TTBK2: variants seen among roughly 807,000 people sequenced by gnomAD.
The protein encoded by TTBK2 is tau tubulin kinase 2.
A neutral mutation model predicts 110.8 loss-of-function variants in TTBK2; 28 were observed. The observed-to-expected ratio is 0.25, with a 90% CI of 0.19 to 0.35. The LOEUF (loss-of-function observed/expected upper bound fraction) is 0.35, where lower values mean the gene tolerates loss of function less well. Among genes scored for constraint, TTBK2 ranks in the 10% least tolerant of loss-of-function variants. The probability of loss-of-function intolerance (pLI) is 1.00; values close to 1 mark genes in which losing one functional copy is unlikely to be tolerated. For synonymous variants in TTBK2, 532 were observed against 527.3 expected, an observed-to-expected ratio of 1.01 and a Z score of -0.12; for missense variants, 1,369 against 1,500.3, an observed-to-expected ratio of 0.91 and a Z score of 1.45.
At chr15:42,849,271 G>A (rs1893599872) in intron 3 of TTBK2, among the ~76,000 whole-genome samples, 1 of 152,070 alleles carries the variant, frequency 6.6e-6, no homozygotes, top group South Asian at 2.1e-4. Context: ...CCCATTCAGT[G>A]AGTTTTTTAT....
At chr15:42,772,096 G>T (rs1437259843) in intron 13 of TTBK2, among the ~76,000 whole-genome samples, 1 of 152,018 alleles carries the variant, frequency 6.6e-6, no homozygotes, top group Non-Finnish European at 1.5e-5. Context: ...CCCTCGTATA[G>T]ACCCTCATAT....
chr15:42,881,011 G>C (rs1025973763), intron 1 of TTBK2, among the ~76,000 whole-genome samples: 7 of 152,034 alleles, frequency 4.6e-5, no homozygotes, highest in African/African-American at 1.7e-4. Context: ...GCTGGGCATG[G>C]TGGCTCATAC....
chr15:42,790,962 C>T (rs1201738308), intron 10 of TTBK2, among the ~76,000 whole-genome samples: 1 of 152,210 alleles, frequency 6.6e-6, no homozygotes, highest in Admixed American at 6.5e-5. Context: ...CAGCTCACTG[C>T]AAGCTCCACC....
chr15:42,749,795 T>C (rs368551217), intron 14 of TTBK2, among the ~76,000 whole-genome samples: 2 of 152,130 alleles, frequency 1.3e-5, no homozygotes, highest in East Asian at 1.9e-4. Flanking sequence ...ACCAACCACA[T>C]ATACTGGGGA....
intron 1 of TTBK2, among the ~76,000 whole-genome samples, chr15:42,908,933 G>A (rs1298327637): frequency 6.6e-6 from 1 of 152,176 alleles, no homozygotes; most frequent in Admixed American, 6.5e-5. Flanking sequence ...TATTCATATA[G>A]CAGCTTCTTA....
intron 4 of TTBK2, among the ~76,000 whole-genome samples, chr15:42,839,629 A>G (rs1328811269): frequency 6.6e-6 from 1 of 152,152 alleles, no homozygotes; most frequent in East Asian, 1.9e-4. Flanking sequence ...TGACTTTTTA[A>G]TAATAGTCAT....
intron 1 of TTBK2, 28 bp from the exon 2 acceptor site, chr15:42,878,712 G>A: frequency 6.2e-7 from 1 of 1,603,004 alleles, no homozygotes; most frequent in Non-Finnish European, 8.5e-7. Flanking sequence ...AAAAATAGTA[G>A]CAGTATTTAG....
At chr15:42,827,545 A>G (rs1892584477) in intron 6 of TTBK2, among the ~76,000 whole-genome samples, 1 of 152,214 alleles carries the variant, frequency 6.6e-6, no homozygotes, top group African/African-American at 2.4e-5. Flanking sequence ...TAAACAAGTA[A>G]AAGAAAATGT....
intron 1 of TTBK2, among the ~76,000 whole-genome samples, chr15:42,910,239 G>T (rs939122645): frequency 2.6e-5 from 4 of 151,810 alleles, no homozygotes; most frequent in South Asian, 2.1e-4. Flanking sequence ...CAGTGTGAGA[G>T]AGAGTAGAAG....
At chr15:42,865,651 T>C (rs1220926972) in intron 3 of TTBK2, among the ~76,000 whole-genome samples, 1 of 151,662 alleles carries the variant, frequency 6.6e-6, no homozygotes, top group Non-Finnish European at 1.5e-5. Context: ...AGCGAGACTC[T>C]GTATCCATCA....
intron 3 of TTBK2, among the ~76,000 whole-genome samples, chr15:42,858,295 A>G (rs1328190568): frequency 6.6e-6 from 1 of 152,184 alleles, no homozygotes; most frequent in Non-Finnish European, 1.5e-5. Flanking sequence ...TATTTTCATT[A>G]CAAAAACAAA....
rs756900410 is a variant in TTBK2 at position 42,783,415 on chromosome 15, A to G, written c.1197+4T>C. The G allele has an allele frequency of 6.2e-7, 1 of 1,609,984 alleles. No homozygotes were observed. The highest frequency in any genetic ancestry group is 8.5e-7 in the Non-Finnish European group (1 of 1,176,238). On this transcript the variant is annotated splice_donor_region_variant and intron_variant, in intron 11 of 14. Transcript: ENST00000267890. ...AATTTCTGTTGTTTATAAGGTACTC[A>G]TACCTTACAAATTCCAAGCTTTATC... is the stretch of plus-strand genomic sequence containing the variant.
chr15:42,752,425 T>C lies in TTBK2; in HGVS notation c.2821A>G (p.Arg941Gly). The C allele has an allele frequency of 1.9e-6, 3 of 1,614,222 alleles. No individual in the cohort carries two copies. The highest frequency in any genetic ancestry group is 2.5e-6 in the Non-Finnish European group (3 of 1,180,038). ...GCTAAAACAGGGATTCGGCTGTGTC[T>C]AGTTACAAAGGATGACCTAACCATA... Reference protein sequence around the residue: ...KDMVRSSFVTRHSRIPVLAQE... With the variant: ...KDMVRSSFVTGHSRIPVLAQE... The change falls in exon 14 of 15, where the codon AGA becomes GGA. Residue 941 changes from arginine to glycine, a missense_variant. Coordinates refer to ENST00000267890, the MANE Select transcript of TTBK2 (RefSeq NM_173500.4).
At chr15:42,874,457 C>T (rs575639374) in intron 2 of TTBK2, among the ~76,000 whole-genome samples, 1 of 151,910 alleles carries the variant, frequency 6.6e-6, no homozygotes, top group East Asian at 2.0e-4. Flanking sequence ...ACTGGGATTA[C>T]AGGTGTGCAC....
rs1889961599 is a variant in TTBK2 at position 42,777,139 on chromosome 15, T to C, written c.1301A>G (p.Asp434Gly). 1 of 1,614,106 alleles carries C rather than the reference T, an allele frequency of 6.2e-7. No individual in the cohort carries two copies. The highest frequency in any genetic ancestry group is 1.1e-5 in the South Asian group (1 of 91,084). The change falls in exon 12 of 15, where the codon GAC (aspartate) becomes GGC (glycine). Residue 434 changes from aspartate (D) to glycine (G), a missense_variant. Physicochemically the swap from Asp to Gly is moderately conservative, Grantham distance 94. Around this residue, in one of 4 missense-constraint regions of TTBK2, gnomAD observed 1,097 missense variants for 1,114.7 expected, o/e 0.98. Coordinates refer to ENST00000267890, the MANE Select transcript of TTBK2 (RefSeq NM_173500.4). The part of the protein sequence containing the change: ...IRVRSEITQP[D>G]RDIPLVRKLR... ...CTTTCGCACCAGTGGAATATCTCTGTCTGGCTGAGTAATCTCTGAGCGGAC... is the reference window on the plus strand; with the variant it reads ...CTTTCGCACCAGTGGAATATCTCTGCCTGGCTGAGTAATCTCTGAGCGGAC...
At chr15:42,804,283 A>C (rs1213287969) in intron 9 of TTBK2, among the ~76,000 whole-genome samples, 1 of 152,022 alleles carries the variant, frequency 6.6e-6, no homozygotes, top group African/African-American at 2.4e-5. Context: ...CATGTCTACT[A>C]AAAATACAAA....
intron 1 of TTBK2, among the ~76,000 whole-genome samples, chr15:42,886,867 C>A (rs1196407311): frequency 6.6e-6 from 1 of 152,238 alleles, no homozygotes; most frequent in Non-Finnish European, 1.5e-5. Context: ...TAAGTCGTGT[C>A]CCATCTGTGA....
intron 3 of TTBK2, among the ~76,000 whole-genome samples, chr15:42,860,006 T>C (rs1217162081): frequency 2.0e-5 from 3 of 150,308 alleles, no homozygotes; most frequent in African/African-American, 7.3e-5. Flanking sequence ...TATCTGAGCT[T>C]GAGGATGTAT....
intron 13 of TTBK2, among the ~76,000 whole-genome samples, chr15:42,757,347 G>T (rs1490419944): frequency 1.3e-5 from 2 of 152,022 alleles, no homozygotes; most frequent in Non-Finnish European, 2.9e-5. Flanking sequence ...CTGGGCTCAA[G>T]AGATCTTCCT....
Sources: gnomAD v4.1 joint callset for allele counts (sites outside exome capture counted in the v4.1 genomes callset) on GRCh38, gnomAD v4.1.1 for gene constraint, gnomAD v4.1.1 regional missense constraint, MANE v1.5 for transcripts, NCBI Gene and HGNC (gene_info 2026-07-23, HGNC 2026-07-21) for gene names.